The following FSIP2 variants were observed in gnomAD, a reference collection of about 807,000 sequenced individuals.
FSIP2 encodes the protein fibrous sheath-interacting protein 2.
In FSIP2, 367 loss-of-function variants were observed where a neutral mutation model predicts 510.5. That is an observed-to-expected ratio of 0.72 (90% CI 0.66 to 0.78). The LOEUF is 0.78. Ranked by LOEUF, FSIP2 falls within the 30% of genes least tolerant of loss-of-function variation. The pLI is 0.00. For synonymous variants in FSIP2, 2,601 were observed against 2,732.2 expected, an observed-to-expected ratio of 0.95 and a Z score of 1.50; for missense variants, 7,594 against 7,901.7, an observed-to-expected ratio of 0.96 and a Z score of 1.48.
At position 185,808,439 on chromosome 2, in the gene FSIP2, T is replaced by G; in HGVS notation, c.19133T>G (p.Leu6378Ter). ...KDEKNLSKTE[L>*]NKIASQLSKL... ...GAAAAAAACTTATCAAAGACTGAGTTAAATAAAATTGCATCTCAACTGTCA... is the reference window on the plus strand; with the variant it reads ...GAAAAAAACTTATCAAAGACTGAGTGAAATAAAATTGCATCTCAACTGTCA... Residue 6378 changes from leucine (L) to a stop codon, truncating the protein, a stop_gained, in exon 17 of 23, where the codon TTA becomes TGA. Transcript: ENST00000424728. LOFTEE classifies it high-confidence loss of function. 5 of 1,605,420 alleles carry G rather than the reference T, an allele frequency of 3.1e-6. No individual in the cohort carries two copies. The highest frequency in any genetic ancestry group is 3.4e-6 in the Non-Finnish European group (4 of 1,177,540).
Position 185,764,655 on chromosome 2 carries a change from T to C in FSIP2, c.1411+90T>C, listed in dbSNP as rs141978090. 6.9e-3 allele frequency: 6,255 copies of C among 905,088 alleles called. 118 individuals are homozygous for C. Among genetic ancestry groups the C allele is most frequent in the East Asian group, 0.048 (1,757 of 36,442 alleles). The allele number at this position is 905,088 out of a possible 1,614,324, so 56.1% of individuals were successfully genotyped here. ...CTGAGTTTTTGCTTCATGTTAGATA[T>C]GGTGCTAAGTTTTAATCATTCAAGG... On this transcript the variant is annotated intron_variant, in intron 13 of 22. Coordinates refer to ENST00000424728, the MANE Select transcript of FSIP2 (RefSeq NM_173651.4).
At position 185,761,048 on chromosome 2, in the gene FSIP2, ACTC is replaced by A. The variant is rs780437480; in HGVS notation, c.1140_1142del (p.Asn380_Ser381delinsLys). ...AGTTCAAATAATTTTACGAAAAAAA[ACTC>A]AGCTTCTGTTGTTTATCAGGCAGAT... On this transcript the variant is annotated inframe_deletion, in exon 10 of 23. Transcript: ENST00000424728. The A allele has an allele frequency of 2.7e-6, 4 of 1,507,682 alleles. No individual in the cohort carries two copies. The highest frequency in any genetic ancestry group is 1.8e-6 in the Non-Finnish European group (2 of 1,125,140). The allele number at this position is 1,507,682 out of a possible 1,614,324, so 93.4% of individuals were successfully genotyped here.
Position 185,774,581 on chromosome 2 carries a change from A to AT in FSIP2, c.1412-8112dup, listed in dbSNP as rs3057716. Among the ~76,000 whole-genome samples the AT allele has an allele frequency of 5.2e-3, 779 of 149,646 alleles. 5 individuals are homozygous for AT. The highest frequency in any genetic ancestry group is 7.0e-3 in the Admixed American group (105 of 14,980). The stretch of plus-strand genomic sequence containing the variant: ...TTATGACTGCAAACCATCAAGCAGG[A>AT]TTTTTTTTTTTTACTATACTTTAAG... On this transcript the variant is annotated intron_variant, in intron 13 of 22. Coordinates refer to ENST00000424728, the MANE Select transcript of FSIP2 (RefSeq NM_173651.4).
At chr2:185,758,644 T>C (rs1477403479) in intron 9 of FSIP2, among the ~76,000 whole-genome samples, 1 of 151,170 alleles carries the variant, frequency 6.6e-6, no homozygotes, top group Non-Finnish European at 1.5e-5. Context: ...GTTATAGCTC[T>C]AGAGGTATTT....
upstream of FSIP2, chr2:185,738,381 C>A (rs1458511582): frequency 5.7e-6 from 3 of 529,658 alleles, no homozygotes; most frequent in Admixed American, 1.1e-4. Context: ...AGGAGGAAGG[C>A]AATGAGCCCC....
chr2:185,795,813 A>G lies in FSIP2; in HGVS notation c.8677A>G (p.Ser2893Gly), dbSNP rs1693256538. The G allele has an allele frequency of 6.5e-7, 1 of 1,533,950 alleles. No individual in the cohort carries two copies. Among genetic ancestry groups the G allele is most frequent in the African/African-American group, 1.4e-5 (1 of 72,866 alleles). ...TTTGCCCCCTCTTGAGAATTGTGAA[A>G]GCAGGTTTTATAATCATTTTAAAGG... The part of the protein sequence containing the change: ...LNLPPLENCE[S>G]RFYNHFKGAS... The change falls in exon 16 of 23, where the codon AGC becomes GGC. Residue 2893 changes from serine to glycine, a missense_variant. Coordinates refer to ENST00000424728, the MANE Select transcript of FSIP2 (RefSeq NM_173651.4).
rs763925717 is a variant in FSIP2, at chr2:185,805,389, A to T, written c.16083A>T (p.Glu5361Asp). The change falls in exon 17 of 23, where the codon GAA (glutamate) becomes GAT (aspartate). Residue 5361 changes from glutamate (E) to aspartate (D), a missense_variant. Glu to Asp is a conservative substitution (Grantham distance 45). Transcript: ENST00000424728. ...ATTTTGTATATGAACAGTTCATAGA[A>T]AAATGCACATCTCATGATATTCAAA... ...ISNFVYEQFI[E>D]KCTSHDIQKG... 5 of 1,599,238 alleles carry T rather than the reference A, an allele frequency of 3.1e-6. No homozygotes were observed. Among genetic ancestry groups the T allele is most frequent in the Non-Finnish European group, 4.3e-6 (5 of 1,174,392 alleles).
intron 7 of FSIP2, among the ~76,000 whole-genome samples, 171 bp downstream of exon 7, chr2:185,747,594 A>C (rs974829202): frequency 6.6e-6 from 1 of 152,086 alleles, no homozygotes; most frequent in Non-Finnish European, 1.5e-5. Flanking sequence ...CTATCATATA[A>C]AAAGTACTGC....
intron 17 of FSIP2, among the ~76,000 whole-genome samples, chr2:185,811,816 T>C (rs572527282): frequency 1.3e-5 from 2 of 152,228 alleles, no homozygotes; most frequent in South Asian, 4.1e-4. Context: ...CAGCTTGGGC[T>C]GCAAAGCATA....
chr2:185,738,718 C>T (rs1343852347), upstream of FSIP2: 1 of 1,536,082 alleles, frequency 6.5e-7, no homozygotes, highest in South Asian at 1.2e-5. Flanking sequence ...GCGAGCCGCC[C>T]CTCAGGAGGC....
chr2:185,821,600 C>T (rs1013025860), intron 19 of FSIP2, among the ~76,000 whole-genome samples: 5 of 151,558 alleles, frequency 3.3e-5, no homozygotes, highest in African/African-American at 1.2e-4. Flanking sequence ...GGTTTTATCC[C>T]GGGAATGCAA....
rs1172844848 is a variant in FSIP2 at position 185,789,216 on chromosome 2, G to A, written c.2080G>A (p.Val694Ile). ...DEMKNLKNVFVNFKCYLKGET... is the reference protein window; with the variant it reads ...DEMKNLKNVFINFKCYLKGET... ...AATGAAGAATTTAAAAAATGTTTTTGTTAACTTTAAATGTTACTTGAAAGG... is the reference window on the plus strand; with the variant it reads ...AATGAAGAATTTAAAAAATGTTTTTATTAACTTTAAATGTTACTTGAAAGG... Residue 694 changes from valine (V) to isoleucine (I), a missense_variant, in exon 16 of 23, where the codon GTT becomes ATT. By Grantham distance (29) the Val-to-Ile change is conservative. Coordinates refer to ENST00000424728, the MANE Select transcript of FSIP2 (RefSeq NM_173651.4). 1.3e-6 allele frequency: 2 copies of A among 1,534,206 alleles called. No individual in the cohort carries two copies. Among genetic ancestry groups the A allele is most frequent in the Admixed American group, 3.9e-5 (2 of 50,820 alleles).
At chr2:185,812,297 A>T (rs1263496253) in intron 17 of FSIP2, among the ~76,000 whole-genome samples, 1 of 152,200 alleles carries the variant, frequency 6.6e-6, no homozygotes, top group South Asian at 2.1e-4. Context: ...TTTAAGATAT[A>T]ATGATTGCAC....
At chr2:185,750,494 C>T (rs1287464016) in intron 7 of FSIP2, among the ~76,000 whole-genome samples, 1 of 151,186 alleles carries the variant, frequency 6.6e-6, no homozygotes, top group African/African-American at 2.4e-5. Flanking sequence ...TAATTTGTAA[C>T]TTCTTTTTTC....
chr2:185,750,861 G>A (rs1309425484), intron 7 of FSIP2, among the ~76,000 whole-genome samples: 2 of 151,284 alleles, frequency 1.3e-5, no homozygotes, highest in East Asian at 1.9e-4. Context: ...ACTTAAAAAT[G>A]TGTCATTTAG....
In FSIP2 at chr2:185,760,975, C is replaced by A; in HGVS notation, c.1079-13C>A. 2 of 1,115,900 alleles carry A rather than the reference C, an allele frequency of 1.8e-6. No individual in the cohort carries two copies. The highest frequency in any genetic ancestry group is 2.5e-6 in the Non-Finnish European group (2 of 803,540). 69.1% of individuals were successfully genotyped at this position (1,115,900 alleles called of 1,614,324 possible). A position where few individuals can be genotyped will look rare whatever the true frequency, so the allele number is the denominator to read the frequency against. The stretch of plus-strand genomic sequence containing the variant: ...AAAAAAAACTATAGAGTTTCTCTCT[C>A]GTTTTCTTTTAGGACATACAGCAAA... On this transcript the variant is annotated splice_polypyrimidine_tract_variant and intron_variant, in intron 9 of 22. Transcript: ENST00000424728.
Position 185,807,413 on chromosome 2 carries a change from C to T in FSIP2, c.18107C>T (p.Pro6036Leu). 1 of 1,609,832 alleles carries T rather than the reference C, an allele frequency of 6.2e-7. No homozygotes were observed. The highest frequency in any genetic ancestry group is 8.5e-7 in the Non-Finnish European group (1 of 1,178,724). ...ATATCCAGCACAAAAACAAAAGAAC[C>T]TGAGGACAATTTGTCCACAGAACTG... ...STISSTKTKE[P>L]EDNLSTELNF... Residue 6036 changes from proline (P) to leucine (L), a missense_variant, in exon 17 of 23, where the codon CCT (proline) becomes CTT (leucine). Coordinates refer to ENST00000424728, the MANE Select transcript of FSIP2 (RefSeq NM_173651.4).
chr2:185,801,984 C>A lies in FSIP2; in HGVS notation c.12678C>A (p.Asp4226Glu), dbSNP rs1032954099. Residue 4226 changes from aspartate to glutamate, a missense_variant, in exon 17 of 23, where the codon GAC becomes GAA. Asp to Glu is a conservative substitution (Grantham distance 45). Coordinates refer to ENST00000424728, the MANE Select transcript of FSIP2 (RefSeq NM_173651.4). ...ATTGTAATATTTTGCAAATGTCTGACTCTCTTGTTTCAATACAAAAAAGTA... is the reference window on the plus strand; with the variant it reads ...ATTGTAATATTTTGCAAATGTCTGAATCTCTTGTTTCAATACAAAAAAGTA... ...SVYCNILQMSDSLVSIQKSIV... is the reference protein window; with the variant it reads ...SVYCNILQMSESLVSIQKSIV... 1.3e-6 allele frequency: 2 copies of A among 1,522,546 alleles called. No individual in the cohort carries two copies. The highest frequency in any genetic ancestry group is 1.8e-6 in the Non-Finnish European group (2 of 1,141,198). The allele number at this position is 1,522,546 out of a possible 1,614,324, so 94.3% of individuals were successfully genotyped here. A position where few individuals can be genotyped will look rare whatever the true frequency, so the allele number is the denominator to read the frequency against.
In FSIP2 at chr2:185,794,643, G is replaced by A. The variant is rs895171627; in HGVS notation, c.7507G>A (p.Gly2503Ser). 1 of 1,532,882 alleles carries A rather than the reference G, an allele frequency of 6.5e-7. No individual in the cohort carries two copies. Among genetic ancestry groups the A allele is most frequent in the African/African-American group, 1.4e-5 (1 of 72,776 alleles). 95.0% of individuals were successfully genotyped at this position (1,532,882 alleles called of 1,614,324 possible). A position where few individuals can be genotyped will look rare whatever the true frequency, so the allele number is the denominator to read the frequency against. Reference sequence around the variant, plus strand: ...GTATCAAAGAGTAAGGGAAGTCACAGGCCATTTGCCTCCACTTAATGAAAC... The same window carrying A: ...GTATCAAAGAGTAAGGGAAGTCACAAGCCATTTGCCTCCACTTAATGAAAC... ...KLYQRVREVT[G>S]HLPPLNETAN... The change falls in exon 16 of 23, where the codon GGC (glycine) becomes AGC (serine). Residue 2503 changes from glycine (G) to serine (S), a missense_variant. Gly to Ser is a moderately conservative substitution (Grantham distance 56). Transcript: ENST00000424728.
Sources: gnomAD v4.1 joint callset for allele counts (sites outside exome capture counted in the v4.1 genomes callset) on GRCh38, gnomAD v4.1.1 for gene constraint, MANE v1.5 for transcripts, NCBI Gene and HGNC (gene_info 2026-07-23, HGNC 2026-07-21) for gene names.